SFMBT1: variants seen among roughly 807,000 people sequenced by gnomAD.
SFMBT1 encodes the protein scm-like with four MBT domains protein 1.
In SFMBT1, 32 loss-of-function variants were observed where a neutral mutation model predicts 108.7. The ratio of observed to expected loss-of-function variants is 0.29; its 90% CI spans 0.22 to 0.40. The LOEUF is 0.40. SFMBT1 is among the 10% of genes least tolerant of loss of function. SFMBT1 has a pLI of 1.00. For synonymous variants in SFMBT1, 348 were observed against 369.5 expected (o/e 0.94, Z 0.67); for missense variants, 816 against 1,059.6 (o/e 0.77, Z 3.19).
intron 1 of SFMBT1, among the ~76,000 whole-genome samples, chr3:53,030,616 G>A (rs1009054832): frequency 7.4e-5 from 11 of 148,454 alleles, no homozygotes; most frequent in African/African-American, 2.2e-4. Flanking sequence ...GGAGGGATTG[G>A]GAGTTTGGAG....
intron 1 of SFMBT1, among the ~76,000 whole-genome samples, chr3:52,976,694 A>G (rs756283571): frequency 6.6e-6 from 1 of 152,228 alleles, no homozygotes; most frequent in East Asian, 1.9e-4. Context: ...AAAAAAAACT[A>G]TCTCCAGCGT....
intron 3 of SFMBT1, among the ~76,000 whole-genome samples, chr3:52,952,680 G>A (rs1461154496): frequency 6.6e-6 from 1 of 152,176 alleles, no homozygotes; most frequent in African/African-American, 2.4e-5. Flanking sequence ...GGTGGAAGTT[G>A]AGCAAACAAG....
chr3:53,007,995 G>C (rs1263444850), intron 1 of SFMBT1, among the ~76,000 whole-genome samples: 3 of 151,886 alleles, frequency 2.0e-5, no homozygotes, highest in Non-Finnish European at 4.4e-5. Context: ...GTCAAAAGAA[G>C]GCTGAGAAAG....
chr3:52,996,015 G>A (rs1276339541), intron 1 of SFMBT1, among the ~76,000 whole-genome samples: 2 of 148,074 alleles, frequency 1.4e-5, no homozygotes, highest in African/African-American at 4.9e-5. Context: ...AGGTTGCAGT[G>A]AGCCAAGATC....
At chr3:52,983,760 G>T (rs959373571) in intron 1 of SFMBT1, among the ~76,000 whole-genome samples, 10 of 152,192 alleles carry the variant, frequency 6.6e-5, no homozygotes, top group Admixed American at 6.5e-4. Flanking sequence ...GGAACAAAAT[G>T]ATCACAGCAG....
intron 1 of SFMBT1, among the ~76,000 whole-genome samples, chr3:52,999,382 G>T (rs925310201): frequency 1.3e-5 from 2 of 150,500 alleles, no homozygotes; most frequent in Non-Finnish European, 3.0e-5. Context: ...AGCCACCCAC[G>T]CGCCACAGCA....
chr3:52,921,765 C>G lies in SFMBT1; in HGVS notation c.1198G>C (p.Glu400Gln), dbSNP rs1243337923. 6 of 1,614,114 alleles carry G rather than the reference C, an allele frequency of 3.7e-6. No individual in the cohort carries two copies. The highest frequency in any genetic ancestry group is 5.1e-6 in the Non-Finnish European group (6 of 1,180,020). ...LEAVNPILPE[E>Q]VCVATITAVR... is the part of the protein sequence containing the mutation. ...GCAGTGATGGTAGCAACACACACTT[C>G]TTCAGGGAGAATGGGGTTCACCGCC... Residue 400 changes from glutamate to glutamine, a missense_variant, in exon 11 of 21, where the codon GAA becomes CAA. By Grantham distance (29) the Glu-to-Gln change is conservative (BLOSUM62 2). Transcript: ENST00000394752.
chr3:52,905,210 A>G lies in SFMBT1; in HGVS notation c.2527T>C (p.Leu843=). 1 of 1,614,106 alleles carries G rather than the reference A, an allele frequency of 6.2e-7. No homozygotes were observed. Among genetic ancestry groups the G allele is most frequent in the Non-Finnish European group, 8.5e-7 (1 of 1,179,986 alleles). The part of the protein sequence containing the change: ...PTVQECMDLK[L]GPAIKLCHHI... ...TGGCAAAGTTTGATGGCAGGGCCCA[A>G]TTTTAAGTCCATGCATTCTTGAACA... Residue 843 remains leucine, a synonymous_variant, in exon 21 of 21, where the codon TTG becomes CTG. Coordinates refer to ENST00000394752, the MANE Select transcript of SFMBT1 (RefSeq NM_016329.4).
chr3:52,952,231 G>A (rs113179740), intron 3 of SFMBT1, among the ~76,000 whole-genome samples: 2,210 of 152,234 alleles, frequency 0.015, 53 homozygotes, highest in African/African-American at 0.048. Flanking sequence ...GATGGCGGGC[G>A]CCTGCAGTCC....
At chr3:52,931,059 C>T in intron 6 of SFMBT1, 24 bp from the exon 7 acceptor site, 1 of 1,585,718 alleles carries the variant, frequency 6.3e-7, no homozygotes, top group South Asian at 1.1e-5. Flanking sequence ...TGACAACATG[C>T]TTTAGATGAT....
At chr3:53,001,264 A>G (rs892890326) in intron 1 of SFMBT1, among the ~76,000 whole-genome samples, 2 of 150,242 alleles carry the variant, frequency 1.3e-5, no homozygotes, top group African/African-American at 4.8e-5. Flanking sequence ...TGTCTCTTAA[A>G]AAAAGATTTT....
intron 16 of SFMBT1, among the ~76,000 whole-genome samples, chr3:52,911,428 CTAAGT>C (rs1395057770): frequency 6.6e-6 from 1 of 152,128 alleles, no homozygotes; most frequent in Non-Finnish European, 1.5e-5. Context: ...CTTTCTGTTC[CTAAGT>C]TAAGGTTTTC....
chr3:53,043,156 T>C (rs1355202898), intron 1 of SFMBT1: 1 of 152,160 alleles, frequency 6.6e-6, no homozygotes, highest in African/African-American at 2.4e-5. Context: ...CCATCTCCTT[T>C]ACAGTAGGAA....
chr3:53,020,386 T>C (rs1262968080), intron 1 of SFMBT1, among the ~76,000 whole-genome samples: 1 of 151,046 alleles, frequency 6.6e-6, no homozygotes, highest in Non-Finnish European at 1.5e-5. Flanking sequence ...TGAGACTCCA[T>C]CTCAAAACAA....
rs140036475 is a variant in SFMBT1 at position 52,937,708 on chromosome 3, G to A, written c.365-2807C>T. On this transcript the variant is annotated intron_variant, in intron 4 of 20. Transcript: ENST00000394752. The stretch of plus-strand genomic sequence containing the variant: ...AGTGGTTCTTCTACCTCAGCCTCCT[G>A]AGTAGCTGGGATTACTGGCACACAC... Among the ~76,000 whole-genome samples, 1,365 of 151,958 alleles carry A rather than the reference G, an allele frequency of 9.0e-3. 16 individuals carry two copies. Among genetic ancestry groups the A allele is most frequent in the African/African-American group, 0.031 (1,275 of 41,392 alleles).
chr3:52,956,740 G>A (rs539663512), intron 2 of SFMBT1, among the ~76,000 whole-genome samples: 19 of 152,228 alleles, frequency 1.2e-4, no homozygotes, highest in East Asian at 7.7e-4. Context: ...CAGGCTGGGC[G>A]ACAGAGCGAG....
chr3:53,000,143 T>C (rs965398155), intron 1 of SFMBT1, among the ~76,000 whole-genome samples: 1 of 150,158 alleles, frequency 6.7e-6, no homozygotes, highest in Non-Finnish European at 1.5e-5. Flanking sequence ...ATTACAGGCG[T>C]GAGCCACCGC....
rs552023327 is a variant in SFMBT1 at position 53,044,199 on chromosome 3, T to C, written c.-131+1617A>G. Among the ~76,000 whole-genome samples, 4 of 152,352 alleles carry C rather than the reference T, an allele frequency of 2.6e-5. No individual in the cohort carries two copies. The South Asian group carries it at 6.2e-4, about 24-fold the overall frequency. ...AAATGAATTTTAATAAAGACACACA[T>C]TGCGAGCACTTTTATGTAGTACCTC... is the stretch of plus-strand genomic sequence containing the variant. On this transcript the variant is annotated intron_variant, in intron 1 of 20. Transcript: ENST00000394752.
chr3:53,015,739 G>A (rs1699103266), intron 1 of SFMBT1, among the ~76,000 whole-genome samples: 3 of 152,272 alleles, frequency 2.0e-5, no homozygotes, highest in Admixed American at 6.5e-5. Flanking sequence ...CAAATCTAGA[G>A]AGACAGAAAG....
Sources: gnomAD v4.1 joint callset for allele counts (sites outside exome capture counted in the v4.1 genomes callset) on GRCh38, gnomAD v4.1.1 for gene constraint, MANE v1.5 for transcripts, NCBI Gene and HGNC (gene_info 2026-07-23, HGNC 2026-07-21) for gene names.